ATRNL1: variants seen among roughly 807,000 people sequenced by gnomAD.
The protein encoded by ATRNL1 is attractin-like protein 1.
In ATRNL1, 95 loss-of-function variants were observed where a neutral mutation model predicts 182.7. The observed-to-expected ratio is 0.52, with a 90% CI of 0.44 to 0.62. The LOEUF (loss-of-function observed/expected upper bound fraction) is 0.62. Among genes scored for constraint, ATRNL1 ranks in the 20% least tolerant of loss-of-function variants. The pLI is 0.00. For missense variants in ATRNL1, 1,471 were observed against 1,679.5 expected (o/e 0.88, Z 2.17); for synonymous variants, 576 against 568.3 (o/e 1.01, Z -0.19).
intron 26 of ATRNL1, among the ~76,000 whole-genome samples, chr10:115,645,334 T>A (rs903420600): frequency 6.6e-5 from 10 of 150,828 alleles, no homozygotes; most frequent in Non-Finnish European, 1.2e-4. Context: ...TGAAAAAAAA[T>A]TTTCCAAAAA....
chr10:115,517,543 A>T (rs148629927), intron 24 of ATRNL1, among the ~76,000 whole-genome samples: 1 of 151,638 alleles, frequency 6.6e-6, no homozygotes, highest in Non-Finnish European at 1.5e-5. Context: ...AGTTAATTTT[A>T]TGTTATGTTT....
chr10:115,547,886 G>A (rs1852758573), intron 25 of ATRNL1, among the ~76,000 whole-genome samples: 1 of 152,146 alleles, frequency 6.6e-6, no homozygotes. Context: ...ATTACATAAA[G>A]GGTGCTATGT....
At chr10:115,747,733 A>G (rs1461482861) in intron 27 of ATRNL1, among the ~76,000 whole-genome samples, 1 of 152,064 alleles carries the variant, frequency 6.6e-6, no homozygotes, top group Non-Finnish European at 1.5e-5. Context: ...CAACAAAAAT[A>G]CCATAAACTT....
intron 28 of ATRNL1, among the ~76,000 whole-genome samples, chr10:115,888,367 A>G (rs1185173631): frequency 2.0e-5 from 3 of 152,180 alleles, no homozygotes; most frequent in Non-Finnish European, 4.4e-5. Context: ...CTGGCACCCC[A>G]TTAGAGTGCA....
chr10:115,416,377 C>A (rs1845390986), intron 20 of ATRNL1, among the ~76,000 whole-genome samples: 1 of 151,908 alleles, frequency 6.6e-6, no homozygotes, highest in South Asian at 2.1e-4. Context: ...ATTTGAAAAC[C>A]ATTTTAATAC....
intron 22 of ATRNL1, among the ~76,000 whole-genome samples, chr10:115,464,644 T>A (rs998706343): frequency 3.3e-5 from 5 of 151,956 alleles, no homozygotes; most frequent in East Asian, 1.9e-4. Flanking sequence ...ATAGGTTTTT[T>A]AAATATCAAT....
At chr10:115,739,064 A>T (rs879989681) in intron 27 of ATRNL1, among the ~76,000 whole-genome samples, 1 of 152,180 alleles carries the variant, frequency 6.6e-6, no homozygotes, top group Admixed American at 6.5e-5. Context: ...ATCATTTAAG[A>T]TGAATATAAG....
chr10:115,486,267 G>A (rs576051693), intron 24 of ATRNL1, among the ~76,000 whole-genome samples: 1 of 152,240 alleles, frequency 6.6e-6, no homozygotes, highest in Non-Finnish European at 1.5e-5. Flanking sequence ...ACCCAGTAAT[G>A]AGATTGCTGG....
intron 27 of ATRNL1, among the ~76,000 whole-genome samples, chr10:115,836,716 A>G (rs1555095566): frequency 6.6e-6 from 1 of 152,188 alleles, no homozygotes; most frequent in Non-Finnish European, 1.5e-5. Context: ...AACAAATTAC[A>G]TTGGCAAAGG....
intron 8 of ATRNL1, among the ~76,000 whole-genome samples, chr10:115,195,820 T>C (rs1848338316): frequency 6.6e-6 from 1 of 152,084 alleles, no homozygotes; most frequent in African/African-American, 2.4e-5. Flanking sequence ...TTACCACTTA[T>C]TATTATTTTA....
intron 26 of ATRNL1, among the ~76,000 whole-genome samples, chr10:115,706,371 A>G (rs1299390960): frequency 6.6e-6 from 1 of 151,892 alleles, no homozygotes; most frequent in East Asian, 1.9e-4. Flanking sequence ...AGGATGATCC[A>G]GGAAAAAATC....
rs150088157 is a variant in ATRNL1 at position 115,560,738 on chromosome 10, C to T, written c.3795+11202C>T. Among the ~76,000 whole-genome samples the T allele has an allele frequency of 1.2e-4, 18 of 148,086 alleles. 1 individual carries two copies. In the East Asian group the frequency reaches 4.2e-3, roughly 34 times the overall value. On this transcript the variant is annotated intron_variant, in intron 26 of 28. Coordinates refer to ENST00000355044, the MANE Select transcript of ATRNL1 (RefSeq NM_207303.4). The stretch of plus-strand genomic sequence containing the variant: ...TTCTTGAAAAAGAACAAAGCTTACA[C>T]TTCATAAATTCAAACTTACTATGCA...
chr10:115,491,384 G>A (rs1484942006), intron 24 of ATRNL1, among the ~76,000 whole-genome samples: 2 of 151,784 alleles, frequency 1.3e-5, no homozygotes, highest in African/African-American at 2.4e-5. Flanking sequence ...GGGAGATGGG[G>A]GTTTTATCTT....
At chr10:115,305,027 A>G (rs1554925770) in intron 17 of ATRNL1, among the ~76,000 whole-genome samples, 1 of 151,816 alleles carries the variant, frequency 6.6e-6, no homozygotes, top group Non-Finnish European at 1.5e-5. Context: ...CAGTAACTTC[A>G]TAATTCTGAG....
intron 26 of ATRNL1, among the ~76,000 whole-genome samples, chr10:115,579,369 C>T (rs1309161154): frequency 6.6e-6 from 1 of 151,720 alleles, no homozygotes; most frequent in African/African-American, 2.4e-5. Context: ...ATTCTCTGAT[C>T]TAAGATGCAT....
chr10:115,368,671 C>T (rs1857212061), intron 19 of ATRNL1, among the ~76,000 whole-genome samples: 1 of 152,046 alleles, frequency 6.6e-6, no homozygotes, highest in African/African-American at 2.4e-5. Context: ...ACACCAGCTC[C>T]TGGTAAACAT....
chr10:115,844,126 C>T (rs1555098087), intron 27 of ATRNL1, among the ~76,000 whole-genome samples: 1 of 152,062 alleles, frequency 6.6e-6, no homozygotes, highest in Admixed American at 6.6e-5. Context: ...TTTGGAACTA[C>T]TGAAAAGGTT....
At chr10:115,180,238 A>G (rs1489045631) in intron 8 of ATRNL1, among the ~76,000 whole-genome samples, 7 of 151,842 alleles carry the variant, frequency 4.6e-5, no homozygotes, top group Non-Finnish European at 7.4e-5. Context: ...TTCTTATTGT[A>G]TATTTGTTTT....
intron 15 of ATRNL1, among the ~76,000 whole-genome samples, chr10:115,287,069 A>T (rs191695451): frequency 6.6e-6 from 1 of 152,006 alleles, no homozygotes; most frequent in Non-Finnish European, 1.5e-5. Flanking sequence ...AGAGATGACT[A>T]TGTTACCAAT....
Sources: allele counts gnomAD v4.1 joint callset (sites outside exome capture counted in the v4.1 genomes callset), GRCh38; gene constraint gnomAD v4.1.1; transcripts MANE v1.5; gene names NCBI Gene and HGNC (gene_info 2026-07-23, HGNC 2026-07-21).